LGSN: variants seen among roughly 807,000 people sequenced by gnomAD.
LGSN encodes lengsin.
Under a neutral mutation model 19.5 loss-of-function variants are expected in LGSN, and 21 were observed. That is an observed-to-expected ratio of 1.07 (90% confidence interval 0.76 to 1.55). LGSN has a LOEUF of 1.55. Ranked by LOEUF, LGSN falls within the 40% of genes most tolerant of loss-of-function variation. LGSN has a pLI of 0.00. For missense variants in LGSN, 673 were observed against 608.5 expected (o/e 1.11, Z -1.12); for synonymous variants, 257 against 215.6 (o/e 1.19, Z -1.68).
At chr6:63,497,918 C>CTT in the LGSN span, among the ~76,000 whole-genome samples, 8 of 121,904 alleles carry the variant, frequency 6.6e-5, no homozygotes, top group Admixed American at 9.2e-5. Context: ...TGTCATGTTT[C>CTT]TTTTTTTTTT....
the LGSN span, among the ~76,000 whole-genome samples, chr6:63,527,345 A>G: frequency 2.6e-5 from 4 of 152,212 alleles, no homozygotes; most frequent in Non-Finnish European, 5.9e-5. Flanking sequence ...AGATTCTCGT[A>G]TCACCACAGT....
upstream of LGSN, among the ~76,000 whole-genome samples, chr6:63,323,526 T>C (rs1769139414): frequency 6.7e-6 from 1 of 150,166 alleles, no homozygotes; most frequent in Admixed American, 6.7e-5. Flanking sequence ...TGTGATAATA[T>C]CTACAAATTC....
chr6:63,358,549 T>A, the LGSN span, among the ~76,000 whole-genome samples: 2 of 152,176 alleles, frequency 1.3e-5, no homozygotes, highest in African/African-American at 4.8e-5. Flanking sequence ...GTCCTTCACA[T>A]CCCTTGTAAG....
chr6:63,349,642 G>A, the LGSN span, among the ~76,000 whole-genome samples: 1 of 152,278 alleles, frequency 6.6e-6, no homozygotes, highest in South Asian at 2.1e-4. Context: ...AAGATGGAGA[G>A]GACCACATGG....
the LGSN span, among the ~76,000 whole-genome samples, chr6:63,363,660 T>C: frequency 1.7e-4 from 26 of 151,942 alleles, no homozygotes; most frequent in African/African-American, 5.1e-4. Context: ...AAAAAGAATA[T>C]AAAGAAACAA....
At chr6:63,410,740 G>A in the LGSN span, among the ~76,000 whole-genome samples, 83 of 152,258 alleles carry the variant, frequency 5.5e-4, no homozygotes, top group Non-Finnish European at 9.6e-4. Context: ...CCTATGACAT[G>A]TGTTTTAACC....
the LGSN span, among the ~76,000 whole-genome samples, chr6:63,439,890 T>C: frequency 6.6e-6 from 1 of 152,266 alleles, no homozygotes; most frequent in East Asian, 1.9e-4. Flanking sequence ...TCCATTCTTT[T>C]ATGTTTCTAT....
chr6:63,307,100 ATATT>A (rs1768421151), intron 1 of LGSN, among the ~76,000 whole-genome samples: 2 of 152,264 alleles, frequency 1.3e-5, no homozygotes, highest in South Asian at 4.1e-4. Flanking sequence ...GATGGTAAAA[ATATT>A]TAGCCATTAG....
At chr6:63,429,609 G>A in the LGSN span, among the ~76,000 whole-genome samples, 12 of 151,988 alleles carry the variant, frequency 7.9e-5, no homozygotes, top group South Asian at 6.2e-4. Context: ...GGTCGCGGGC[G>A]CCTGTAATTC....
At chr6:63,281,878 T>C (rs1456278557) in intron 3 of LGSN, among the ~76,000 whole-genome samples, 1 of 152,246 alleles carries the variant, frequency 6.6e-6, no homozygotes, top group Non-Finnish European at 1.5e-5. Flanking sequence ...TGTGGACCTA[T>C]AACTCCAAAG....
the LGSN span, among the ~76,000 whole-genome samples, chr6:63,462,996 G>A: frequency 3.3e-5 from 5 of 152,180 alleles, no homozygotes; most frequent in Non-Finnish European, 5.9e-5. Context: ...TGAATAGCTA[G>A]ATATTTGGAA....
chr6:63,547,819 G>T, the LGSN span, among the ~76,000 whole-genome samples: 1 of 151,922 alleles, frequency 6.6e-6, no homozygotes. Context: ...CCCAGGGGGG[G>T]ATTTGTTAAT....
chr6:63,304,130 CA>C (rs1768285582), intron 1 of LGSN, among the ~76,000 whole-genome samples: 1 of 152,182 alleles, frequency 6.6e-6, no homozygotes, highest in African/African-American at 2.4e-5. Context: ...TTGATGGATG[CA>C]AGATGAAGGG....
the LGSN span, among the ~76,000 whole-genome samples, chr6:63,498,755 G>A: frequency 6.6e-6 from 1 of 152,184 alleles, no homozygotes. Context: ...TGTGGGTAGG[G>A]AATGAAAGAG....
At chr6:63,489,576 G>T in the LGSN span, among the ~76,000 whole-genome samples, 4 of 152,308 alleles carry the variant, frequency 2.6e-5, no homozygotes, top group East Asian at 7.7e-4. Context: ...TACCTTGTTG[G>T]CCAGTCTGGT....
chr6:63,365,152 T>G, the LGSN span, among the ~76,000 whole-genome samples: 16 of 151,998 alleles, frequency 1.1e-4, no homozygotes, highest in African/African-American at 3.1e-4. Context: ...CAGGAGCTGG[T>G]TTTTTTGAAA....
chr6:63,377,082 T>C, the LGSN span, among the ~76,000 whole-genome samples: 1 of 152,242 alleles, frequency 6.6e-6, no homozygotes, highest in African/African-American at 2.4e-5. Context: ...GACATTATAA[T>C]TTATAGCTTA....
the LGSN span, among the ~76,000 whole-genome samples, chr6:63,518,851 A>G: frequency 2.0e-5 from 3 of 152,238 alleles, no homozygotes; most frequent in Non-Finnish European, 4.4e-5. Flanking sequence ...ATTCAAAGAA[A>G]AGGTAACTCT....
At chr6:63,371,206 A>T in the LGSN span, among the ~76,000 whole-genome samples, 3 of 152,232 alleles carry the variant, frequency 2.0e-5, no homozygotes, top group East Asian at 1.9e-4. Flanking sequence ...GTTAAAAAAC[A>T]TCCTAGAACA....
Sources: allele counts gnomAD v4.1 joint callset (sites outside exome capture counted in the v4.1 genomes callset), GRCh38; gene constraint gnomAD v4.1.1; transcripts MANE v1.5; gene names NCBI Gene and HGNC (gene_info 2026-07-23, HGNC 2026-07-21).